FIGN: variants seen among roughly 807,000 people sequenced by gnomAD.
The protein encoded by FIGN is fidgetin.
Under a neutral mutation model 51.3 loss-of-function variants are expected in FIGN, and 11 were observed. That is an observed-to-expected ratio of 0.21 (90% CI 0.13 to 0.35). The LOEUF is 0.35. Among genes scored for constraint, FIGN ranks in the 10% least tolerant of loss-of-function variants. FIGN has a pLI of 1.00. For synonymous variants in FIGN, 407 were observed against 363.2 expected (o/e 1.12, Z -1.37); for missense variants, 857 against 943.6 (o/e 0.91, Z 1.20).
At chr2:163,702,271 A>G (rs1684420298) in intron 2 of FIGN, among the ~76,000 whole-genome samples, 1 of 152,166 alleles carries the variant, frequency 6.6e-6, no homozygotes, top group East Asian at 1.9e-4. Flanking sequence ...CATGTTGTGC[A>G]AGCTTCAGGC....
In FIGN at chr2:163,611,411, G is replaced by T; in HGVS notation, c.421C>A (p.Pro141Thr). The change falls in exon 3 of 3, where the codon CCA becomes ACA. Residue 141 changes from proline to threonine, a missense_variant. Around this residue, in one of 3 missense-constraint regions of FIGN, gnomAD observed 799 missense variants for 849.5 expected, o/e 0.94. Transcript: ENST00000333129. ...SKAGVSSALPPADVSASIGSS... is the reference protein window; with the variant it reads ...SKAGVSSALPTADVSASIGSS... Reference sequence around the variant, plus strand: ...CCTATACTCGCAGAGACATCTGCTGGAGGGAGGGCTGAACTGACTCCAGCT... The same window carrying T: ...CCTATACTCGCAGAGACATCTGCTGTAGGGAGGGCTGAACTGACTCCAGCT... 2 of 1,614,170 alleles carry T rather than the reference G, an allele frequency of 1.2e-6. No individual in the cohort carries two copies. The highest frequency in any genetic ancestry group is 1.7e-6 in the Non-Finnish European group (2 of 1,180,020).
intron 2 of FIGN, among the ~76,000 whole-genome samples, chr2:163,679,272 T>C (rs908725600): frequency 5.9e-5 from 9 of 151,964 alleles, no homozygotes; most frequent in Non-Finnish European, 1.2e-4. Context: ...GGCGGGCAGA[T>C]CACGAGGTCA....
chr2:163,725,390 C>T (rs1366249979), intron 2 of FIGN, among the ~76,000 whole-genome samples: 1 of 151,788 alleles, frequency 6.6e-6, no homozygotes. Flanking sequence ...ACATTTTCCC[C>T]TTAGCCCTAA....
chr2:163,660,713 A>C (rs183768762), intron 2 of FIGN, among the ~76,000 whole-genome samples: 1,469 of 117,004 alleles, frequency 0.013, 425 homozygotes, highest in South Asian at 0.023. Flanking sequence ...GTATACACAT[A>C]TACATATATA....
intron 2 of FIGN, among the ~76,000 whole-genome samples, chr2:163,690,802 C>CAAAAATGT (rs141641530): frequency 0.052 from 7,838 of 151,674 alleles, 643 homozygotes; most frequent in African/African-American, 0.17. Flanking sequence ...AGAGATATAC[C>CAAAAATGT]AAAAATGTAA....
rs184453963 is a variant in FIGN at position 163,609,072 on chromosome 2, T to A, written c.*480A>T. ...ACTGTTGCTCTTAAAATGGCAAAAA[T>A]CTGGTTTTCTGTCATAACACAACTG... On this transcript the variant is annotated 3_prime_UTR_variant, in exon 3 of 3. Transcript: ENST00000333129. 1 of 155,730 alleles carries A rather than the reference T, an allele frequency of 6.4e-6. No homozygotes were observed. Among genetic ancestry groups the A allele is most frequent in the Non-Finnish European group, 1.4e-5 (1 of 70,012 alleles). The allele number at this position is 155,730 out of a possible 1,614,324, so 9.6% of individuals were successfully genotyped here.
intron 2 of FIGN, among the ~76,000 whole-genome samples, chr2:163,734,323 A>T (rs1339154948): frequency 6.7e-6 from 1 of 149,636 alleles, no homozygotes; most frequent in Non-Finnish European, 1.5e-5. Flanking sequence ...CATGTAAAAG[A>T]CACCTCTTCA....
At chr2:163,685,714 A>T (rs1164204691) in intron 2 of FIGN, among the ~76,000 whole-genome samples, 1 of 152,224 alleles carries the variant, frequency 6.6e-6, no homozygotes, top group Non-Finnish European at 1.5e-5. Context: ...TTGTAAATCT[A>T]AGCTCATCAA....
At chr2:163,723,424 G>T (rs1301469600) in intron 2 of FIGN, among the ~76,000 whole-genome samples, 1 of 152,048 alleles carries the variant, frequency 6.6e-6, no homozygotes, top group Non-Finnish European at 1.5e-5. Context: ...TCTATAGTAG[G>T]AGAAAGATGA....
chr2:163,622,061 A>G (rs796898336), intron 2 of FIGN, among the ~76,000 whole-genome samples: 14 of 152,344 alleles, frequency 9.2e-5, no homozygotes, highest in African/African-American at 3.1e-4. Context: ...CATGAAAAAC[A>G]TACAGATTCC....
At chr2:163,687,563 C>T (rs1684169638) in intron 2 of FIGN, among the ~76,000 whole-genome samples, 1 of 152,126 alleles carries the variant, frequency 6.6e-6, no homozygotes, top group Non-Finnish European at 1.5e-5. Context: ...ACTGACTTCA[C>T]ATGAAAGAAT....
At chr2:163,692,396 T>C (rs1684251891) in intron 2 of FIGN, among the ~76,000 whole-genome samples, 4 of 152,206 alleles carry the variant, frequency 2.6e-5, no homozygotes, top group Non-Finnish European at 5.9e-5. Flanking sequence ...AATATGATAT[T>C]AATGTATTTT....
chr2:163,659,027 G>A (rs1440471), intron 2 of FIGN, among the ~76,000 whole-genome samples: 150,272 of 152,288 alleles, frequency 0.99, 74,165 homozygotes, highest in East Asian at 1. Context: ...TACCCACAAA[G>A]GAATCTTGCT....
At chr2:163,727,462 C>A (rs1046386568) in intron 2 of FIGN, among the ~76,000 whole-genome samples, 1 of 151,922 alleles carries the variant, frequency 6.6e-6, no homozygotes, top group East Asian at 1.9e-4. Context: ...TATTTCCCAG[C>A]TTTCTTTCAT....
chr2:163,724,502 G>GT (rs937927146), intron 2 of FIGN, among the ~76,000 whole-genome samples: 2 of 143,766 alleles, frequency 1.4e-5, no homozygotes, highest in South Asian at 2.1e-4. Flanking sequence ...TTAGGCAAAA[G>GT]TTTTTTTATT....
chr2:163,683,948 A>G (rs1419889925), intron 2 of FIGN, among the ~76,000 whole-genome samples: 10 of 152,196 alleles, frequency 6.6e-5, no homozygotes, highest in Admixed American at 1.3e-4. Flanking sequence ...GTTATACATA[A>G]TATGATTTTT....
chr2:163,688,123 G>A (rs780318951), intron 2 of FIGN, among the ~76,000 whole-genome samples: 3 of 152,042 alleles, frequency 2.0e-5, no homozygotes, highest in East Asian at 1.9e-4. Flanking sequence ...GTATATATAC[G>A]GCATTCACTC....
In FIGN at chr2:163,610,866, G is replaced by A. The variant is rs748434974; in HGVS notation, c.966C>T (p.Tyr322=). ...AGTCCATATCTCCTTGCCCTGCCAT[G>A]TAGAAAGCTTTCCTTTTGAGAGAAC... The part of the protein sequence containing the change: ...SASSLKRKAF[Y]MAGQGDMDSS... Residue 322 remains tyrosine, a synonymous_variant, in exon 3 of 3, where the codon TAC becomes TAT. Transcript: ENST00000333129. 3 of 1,613,704 alleles carry A rather than the reference G, an allele frequency of 1.9e-6. No individual in the cohort carries two copies. The highest frequency in any genetic ancestry group is 1.3e-5 in the African/African-American group (1 of 74,778).
rs34598500 is a variant in FIGN, at chr2:163,624,708, A to AT, written c.26-12903dup. Among the ~76,000 whole-genome samples the AT allele has an allele frequency of 5.3e-3, 767 of 145,482 alleles. 3 individuals are homozygous for AT. Among genetic ancestry groups the AT allele is most frequent in the African/African-American group, 0.015 (609 of 39,402 alleles). On this transcript the variant is annotated intron_variant, in intron 2 of 2. Transcript: ENST00000333129. ...TATACATACATATATATATATATATATTTTTTTTTTTCCTAGACAAGCTGT... is the reference window on the plus strand; with the variant it reads ...TATACATACATATATATATATATATATTTTTTTTTTTTCCTAGACAAGCTGT...
Sources: allele counts gnomAD v4.1 joint callset (sites outside exome capture counted in the v4.1 genomes callset), GRCh38; gene constraint gnomAD v4.1.1; regional missense constraint gnomAD v4.1.1; transcripts MANE v1.5; gene names NCBI Gene and HGNC (gene_info 2026-07-23, HGNC 2026-07-21).